Variants in P2RY2 observed in about 807,000 individuals in gnomAD.
P2RY2 encodes the protein P2Y purinoceptor 2.
For missense variants in P2RY2, 567 were observed against 515.7 expected (o/e 1.10, Z -0.96); for synonymous variants, 241 against 231.9 (o/e 1.04, Z -0.35).
intron 1 of P2RY2, among the ~76,000 whole-genome samples, chr11:73,226,304 G>A (rs931147665): frequency 6.6e-6 from 1 of 152,182 alleles, no homozygotes; most frequent in African/African-American, 2.4e-5. Flanking sequence ...AGCCTGTTGA[G>A]TCAAGGCATT....
Position 73,234,837 on chromosome 11 carries a change from A to G in P2RY2, c.678A>G (p.Leu226=). The change falls in exon 3 of 3, where the codon CTA becomes CTG. Residue 226 remains leucine, a synonymous_variant. Coordinates refer to ENST00000393597, the MANE Select transcript of P2RY2 (RefSeq NM_002564.4). ...VCYVLMARRL[L]KPAYGTSGGL... is the part of the protein sequence containing the mutation. ...ACGTGCTCATGGCTCGGCGACTGCTAAAGCCAGCCTACGGGACCTCGGGCG... is the reference window on the plus strand; with the variant it reads ...ACGTGCTCATGGCTCGGCGACTGCTGAAGCCAGCCTACGGGACCTCGGGCG... 7 of 1,611,010 alleles carry G rather than the reference A, an allele frequency of 4.3e-6. No individual in the cohort carries two copies. Among genetic ancestry groups the G allele is most frequent in the Non-Finnish European group, 5.9e-6 (7 of 1,179,928 alleles).
At chr11:73,221,679 C>T (rs1214771028) in intron 1 of P2RY2, among the ~76,000 whole-genome samples, 2 of 152,184 alleles carry the variant, frequency 1.3e-5, no homozygotes, top group African/African-American at 2.4e-5. Context: ...CTCTGGGCCA[C>T]ACCTCCTCTT....
intron 1 of P2RY2, among the ~76,000 whole-genome samples, chr11:73,226,032 G>T (rs1302312636): frequency 2.6e-5 from 4 of 152,198 alleles, no homozygotes; most frequent in Non-Finnish European, 5.9e-5. Flanking sequence ...ACGGGGCAGG[G>T]GTGGAGGCAC....
At chr11:73,226,110 C>T (rs1289133191) in intron 1 of P2RY2, among the ~76,000 whole-genome samples, 2 of 152,122 alleles carry the variant, frequency 1.3e-5, no homozygotes, top group Non-Finnish European at 2.9e-5. Context: ...GTGTGGGGAC[C>T]GCGTAGTGCA....
chr11:73,218,878 G>T (rs1862040813), intron 1 of P2RY2, among the ~76,000 whole-genome samples: 1 of 152,166 alleles, frequency 6.6e-6, no homozygotes, highest in African/African-American at 2.4e-5. Context: ...CTAACCCCAG[G>T]GTCACTCTGG....
chr11:73,236,925 A>C lies in P2RY2; in HGVS notation c.*1632A>C, dbSNP rs1314447934. The C allele has an allele frequency of 4.1e-6, 4 of 984,938 alleles. No homozygotes were observed. Among genetic ancestry groups the C allele is most frequent in the Non-Finnish European group, 4.8e-6 (4 of 829,690 alleles). The allele number at this position is 984,938 out of a possible 1,614,324, so 61.0% of individuals were successfully genotyped here. On this transcript the variant is annotated 3_prime_UTR_variant, in exon 3 of 3. Transcript: ENST00000393597. ...TGGAAAGGGACAGGGCAAAGCTGAC[A>C]GGCCTCACTCTTGATCTCAAGGACA...
Position 73,228,117 on chromosome 11 carries a change from T to C in P2RY2, c.-63T>C, listed in dbSNP as rs1257829453. On this transcript the variant is annotated 5_prime_UTR_variant, in exon 2 of 3. It removes an upstream start codon present in the reference 5' UTR. Coordinates refer to ENST00000393597, the MANE Select transcript of P2RY2 (RefSeq NM_002564.4). ...GTCCAGGTCCAGGCGTGTGCATTCATGAGTGAGGAACCCGTGCAGGCGCTG... is the reference window on the plus strand; with the variant it reads ...GTCCAGGTCCAGGCGTGTGCATTCACGAGTGAGGAACCCGTGCAGGCGCTG... The C allele has an allele frequency of 1.4e-5, 2 of 143,730 alleles. No individual in the cohort carries two copies. The highest frequency in any genetic ancestry group is 3.0e-5 in the Non-Finnish European group (2 of 67,006). 8.9% of individuals were successfully genotyped at this position (143,730 alleles called of 1,614,324 possible). A position where few individuals can be genotyped will look rare whatever the true frequency, so the allele number is the denominator to read the frequency against.
intron 2 of P2RY2, among the ~76,000 whole-genome samples, chr11:73,229,565 C>T (rs1565139445): frequency 6.6e-6 from 1 of 152,074 alleles, no homozygotes; most frequent in Non-Finnish European, 1.5e-5. Flanking sequence ...GGTGAGCCAG[C>T]CTGTAGAATG....
chr11:73,241,407 A>G lies in P2RY2; in HGVS notation c.*6114A>G, dbSNP rs1270149503. 6.6e-6 allele frequency: 1 copy of G among 152,524 alleles called. No homozygotes were observed. The highest frequency in any genetic ancestry group is 1.5e-5 in the Non-Finnish European group (1 of 68,224). The allele number at this position is 152,524 out of a possible 1,614,324, so 9.4% of individuals were successfully genotyped here. ...CTGCAAATTCAGTTTCTTCATCTGG[A>G]AAATTGAACTGGTAATACCAATACC... On this transcript the variant is annotated 3_prime_UTR_variant, in exon 3 of 3. Coordinates refer to ENST00000393597, the MANE Select transcript of P2RY2 (RefSeq NM_002564.4).
chr11:73,223,484 G>T (rs1376583867), intron 1 of P2RY2, among the ~76,000 whole-genome samples: 1 of 144,872 alleles, frequency 6.9e-6, no homozygotes, highest in African/African-American at 2.5e-5. Flanking sequence ...CATTAGGACA[G>T]TTCATGATTT....
In P2RY2 at chr11:73,237,102, A is replaced by G; in HGVS notation, c.*1809A>G. 2.0e-6 allele frequency: 2 copies of G among 985,282 alleles called. No individual in the cohort carries two copies. Among genetic ancestry groups the G allele is most frequent in the Non-Finnish European group, 2.4e-6 (2 of 829,888 alleles). 61.0% of individuals were successfully genotyped at this position (985,282 alleles called of 1,614,324 possible). On this transcript the variant is annotated 3_prime_UTR_variant, in exon 3 of 3. Coordinates refer to ENST00000393597, the MANE Select transcript of P2RY2 (RefSeq NM_002564.4). ...TGGAGCCTGACTCCACAGCGCCCTC[A>G]TGTGACAGAGACCCATCACAGACCA...
intron 2 of P2RY2, among the ~76,000 whole-genome samples, chr11:73,231,228 A>G (rs527715447): frequency 6.6e-6 from 1 of 152,120 alleles, no homozygotes; most frequent in East Asian, 1.9e-4. Flanking sequence ...TAGGAGAAAG[A>G]GAAGATCTGG....
chr11:73,230,952 C>T (rs927875803), intron 2 of P2RY2, among the ~76,000 whole-genome samples: 2 of 151,976 alleles, frequency 1.3e-5, no homozygotes, highest in South Asian at 4.1e-4. Flanking sequence ...AGGAGGGAAG[C>T]CAGTGCAGTG....
In P2RY2 at chr11:73,234,245, A is replaced by G; in HGVS notation, c.86A>G (p.Glu29Gly). 1 of 1,614,160 alleles carries G rather than the reference A, an allele frequency of 6.2e-7. No homozygotes were observed. The highest frequency in any genetic ancestry group is 8.5e-7 in the Non-Finnish European group (1 of 1,180,012). ...DELGYRCRFNEDFKYVLLPVS... is the reference protein window; with the variant it reads ...DELGYRCRFNGDFKYVLLPVS... ...CTGGGCTACAGGTGCCGCTTCAACGAGGACTTCAAGTACGTGCTGCTGCCT... is the reference window on the plus strand; with the variant it reads ...CTGGGCTACAGGTGCCGCTTCAACGGGGACTTCAAGTACGTGCTGCTGCCT... The change falls in exon 3 of 3, where the codon GAG becomes GGG. Residue 29 changes from glutamate (E) to glycine (G), a missense_variant. Coordinates refer to ENST00000393597, the MANE Select transcript of P2RY2 (RefSeq NM_002564.4).
At chr11:73,230,591 G>A (rs540074071) in intron 2 of P2RY2, among the ~76,000 whole-genome samples, 2 of 152,202 alleles carry the variant, frequency 1.3e-5, no homozygotes, top group African/African-American at 2.4e-5. Context: ...AAGCAGTCTG[G>A]CTCCAGCGCC....
Position 73,236,630 on chromosome 11 carries a change from C to T in P2RY2, c.*1337C>T. On this transcript the variant is annotated 3_prime_UTR_variant, in exon 3 of 3. Coordinates refer to ENST00000393597, the MANE Select transcript of P2RY2 (RefSeq NM_002564.4). ...CTCCAGGCTCAAGGCAGGGTTGGGG[C>T]TGGGTCACAAGGAGGCCAAGTTAGG... 1 of 985,410 alleles carries T rather than the reference C, an allele frequency of 1.0e-6. No homozygotes were observed. The highest frequency in any genetic ancestry group is 1.2e-6 in the Non-Finnish European group (1 of 829,914). 61.0% of individuals were successfully genotyped at this position (985,410 alleles called of 1,614,324 possible).
chr11:73,232,256 A>G (rs1219122286), intron 2 of P2RY2, among the ~76,000 whole-genome samples: 8 of 152,022 alleles, frequency 5.3e-5, no homozygotes. Flanking sequence ...ACCCTCCTAC[A>G]GCCACTTCCA....
intron 1 of P2RY2, among the ~76,000 whole-genome samples, chr11:73,221,675 G>A (rs1223053592): frequency 6.6e-6 from 1 of 152,114 alleles, no homozygotes; most frequent in Non-Finnish European, 1.5e-5. Context: ...TACCCTCTGG[G>A]CCACACCTCC....
In P2RY2 at chr11:73,236,404, C is replaced by G. The variant is rs1012180144; in HGVS notation, c.*1111C>G. 9 of 384,118 alleles carry G rather than the reference C, an allele frequency of 2.3e-5. No homozygotes were observed. The East Asian group carries it at 9.8e-4, about 42-fold the overall frequency. The allele number at this position is 384,118 out of a possible 1,614,324, so 23.8% of individuals were successfully genotyped here. ...TGCAAGCAGGTACAAGTCACTCTAG[C>G]ACACCACTGGATAATGCCGAGTGGC... On this transcript the variant is annotated 3_prime_UTR_variant, in exon 3 of 3. Coordinates refer to ENST00000393597, the MANE Select transcript of P2RY2 (RefSeq NM_002564.4).
Sources: allele counts gnomAD v4.1 joint callset (sites outside exome capture counted in the v4.1 genomes callset), GRCh38; gene constraint gnomAD v4.1.1; transcripts MANE v1.5; gene names NCBI Gene and HGNC (gene_info 2026-07-23, HGNC 2026-07-21).